Variants in NTM observed in about 807,000 individuals in gnomAD.
NTM encodes the protein IgLON family member 2.
A neutral mutation model predicts 42.1 loss-of-function variants in NTM; 13 were observed. That is an observed-to-expected ratio of 0.31 (90% confidence interval 0.20 to 0.49). NTM has a LOEUF of 0.49. Ranked by LOEUF, NTM falls within the 20% of genes least tolerant of loss-of-function variation. NTM has a pLI of 0.99. For missense variants in NTM, 373 were observed against 452.8 expected (o/e 0.82, Z 1.60); for synonymous variants, 187 against 179.2 (o/e 1.04, Z -0.35).
chr11:131,489,942 A>G (rs1208577130), intron 1 of NTM, among the ~76,000 whole-genome samples: 1 of 152,232 alleles, frequency 6.6e-6, no homozygotes, highest in Non-Finnish European at 1.5e-5. Context: ...TGCAACATAA[A>G]CAAGAAGCAT....
At chr11:131,634,904 A>T (rs1424713086) in intron 1 of NTM, among the ~76,000 whole-genome samples, 1 of 152,234 alleles carries the variant, frequency 6.6e-6, no homozygotes, top group Admixed American at 6.5e-5. Context: ...TTAGATTTGG[A>T]TATGATACGT....
chr11:132,314,432 G>A (rs1026794061), intron 6 of NTM, 120 bp from the exon 7 acceptor site: 16 of 1,082,184 alleles, frequency 1.5e-5, no homozygotes, highest in Non-Finnish European at 1.8e-5. Context: ...ATCAAATAAT[G>A]GTTATAATGA....
At chr11:131,923,455 C>G (rs891112516) in intron 2 of NTM, among the ~76,000 whole-genome samples, 1 of 152,156 alleles carries the variant, frequency 6.6e-6, no homozygotes, top group Non-Finnish European at 1.5e-5. Context: ...TGTTATTAAA[C>G]AGAGTTCAGA....
chr11:131,896,301 A>T lies in NTM; in HGVS notation c.83-15263A>T, dbSNP rs114423884. Among the ~76,000 whole-genome samples the T allele has an allele frequency of 1.2e-3, 181 of 152,344 alleles. 1 individual carries two copies. The highest frequency in any genetic ancestry group is 3.6e-3 in the African/African-American group (150 of 41,578). ...CAAAAAATGACCTATATAAAGTCTG[A>T]CTGAATCTGAAGGAGAAATAAATAG... On this transcript the variant is annotated intron_variant, in intron 1 of 8. Transcript: ENST00000683400.
intron 1 of NTM, among the ~76,000 whole-genome samples, chr11:131,866,446 C>G (rs1000698175): frequency 1.3e-5 from 2 of 152,202 alleles, no homozygotes; most frequent in Non-Finnish European, 2.9e-5. Flanking sequence ...GCCTTAGGCA[C>G]GGGGACCTGC....
chr11:132,127,699 G>A (rs1354478533), intron 2 of NTM, among the ~76,000 whole-genome samples: 3 of 152,186 alleles, frequency 2.0e-5, no homozygotes, highest in African/African-American at 2.4e-5. Context: ...CATTCCGGCG[G>A]ATTACAGTGT....
intron 1 of NTM, among the ~76,000 whole-genome samples, chr11:131,620,447 T>C (rs1180388103): frequency 6.6e-6 from 1 of 152,200 alleles, no homozygotes; most frequent in Non-Finnish European, 1.5e-5. Flanking sequence ...TCTCATTCCA[T>C]GTAGAAAACA....
chr11:132,252,838 TA>T (rs1013445297), intron 4 of NTM, among the ~76,000 whole-genome samples: 1 of 152,162 alleles, frequency 6.6e-6, no homozygotes, highest in African/African-American at 2.4e-5. Flanking sequence ...GTACCTTGGT[TA>T]AATAAGTTTA....
In NTM at chr11:132,283,720, A is replaced by G. The variant is rs548526095; in HGVS notation, c.527-23969A>G. Among the ~76,000 whole-genome samples the G allele has an allele frequency of 2.6e-5, 4 of 152,336 alleles. No homozygotes were observed. The East Asian group carries it at 7.7e-4, about 29-fold the overall frequency. On this transcript the variant is annotated intron_variant, in intron 4 of 8. Coordinates refer to ENST00000683400, the MANE Select transcript of NTM (RefSeq NM_001352005.2). ...TAGCACCCTGTTCTAAGTTAGGCTC[A>G]GGGACTGAGAATGCTTTTAGCGAAG...
At chr11:132,209,127 A>G (rs2082432741) in intron 3 of NTM, among the ~76,000 whole-genome samples, 1 of 152,202 alleles carries the variant, frequency 6.6e-6, no homozygotes, top group Non-Finnish European at 1.5e-5. Context: ...TTTTGCAATG[A>G]TCAATTTAAA....
intron 1 of NTM, among the ~76,000 whole-genome samples, chr11:131,501,273 G>A (rs2046794171): frequency 6.6e-6 from 1 of 152,180 alleles, no homozygotes; most frequent in Non-Finnish European, 1.5e-5. Flanking sequence ...AAAGGCAGGA[G>A]GGGCAGCCTG....
At chr11:131,868,391 C>T (rs1361504771) in intron 1 of NTM, among the ~76,000 whole-genome samples, 1 of 152,196 alleles carries the variant, frequency 6.6e-6, no homozygotes, top group Non-Finnish European at 1.5e-5. Flanking sequence ...TCCTAACTGG[C>T]CTCCCTGCCT....
At chr11:131,425,130 C>T (rs1167252457) in intron 1 of NTM, among the ~76,000 whole-genome samples, 1 of 152,090 alleles carries the variant, frequency 6.6e-6, no homozygotes, top group Non-Finnish European at 1.5e-5. Context: ...GATCCACCTG[C>T]CTTGGCCTCC....
At chr11:131,417,629 G>A (rs1947087484) in intron 1 of NTM, among the ~76,000 whole-genome samples, 1 of 152,168 alleles carries the variant, frequency 6.6e-6, no homozygotes, top group African/African-American at 2.4e-5. Context: ...GACGGAAAAT[G>A]ACACGTTCAT....
At chr11:132,262,663 A>C (rs1208009704) in intron 4 of NTM, among the ~76,000 whole-genome samples, 3 of 152,158 alleles carry the variant, frequency 2.0e-5, no homozygotes, top group African/African-American at 7.2e-5. Context: ...CTCATCTCCT[A>C]ATACCATCAC....
At chr11:132,071,892 G>A (rs1210873978) in intron 2 of NTM, among the ~76,000 whole-genome samples, 1 of 152,150 alleles carries the variant, frequency 6.6e-6, no homozygotes, top group Non-Finnish European at 1.5e-5. Context: ...GTCCTTGACG[G>A]TGGATCTAAT....
intron 1 of NTM, among the ~76,000 whole-genome samples, chr11:131,461,587 G>A (rs1301452477): frequency 3.9e-5 from 6 of 152,126 alleles, no homozygotes; most frequent in Non-Finnish European, 8.8e-5. Flanking sequence ...ATACAAACTT[G>A]TAGCTGTAAG....
At chr11:131,873,563 G>GTATA (rs1491099817) in intron 1 of NTM, among the ~76,000 whole-genome samples, 1 of 32,164 alleles carries the variant, frequency 3.1e-5, no homozygotes, top group Middle Eastern at 0.015. Flanking sequence ...TATATATACC[G>GTATA]TATATATATA....
intron 2 of NTM, among the ~76,000 whole-genome samples, chr11:132,143,393 GAGA>G (rs1396163042): frequency 1.3e-5 from 2 of 152,186 alleles, no homozygotes; most frequent in African/African-American, 2.4e-5. Context: ...CAGTGAATTT[GAGA>G]AGAACTGATT....
Sources: allele counts gnomAD v4.1 joint callset (sites outside exome capture counted in the v4.1 genomes callset), GRCh38; gene constraint gnomAD v4.1.1; transcripts MANE v1.5; gene names NCBI Gene and HGNC (gene_info 2026-07-23, HGNC 2026-07-21).